CSMD1: variants seen among roughly 807,000 people sequenced by gnomAD.
CSMD1 encodes CUB and sushi domain-containing protein 1.
In CSMD1, 213 loss-of-function variants were observed where a neutral mutation model predicts 417.5. That is an observed-to-expected ratio of 0.51 (90% CI 0.46 to 0.57). The LOEUF is 0.57. CSMD1 is among the 20% of genes least tolerant of loss of function. The pLI is 0.00. For missense variants in CSMD1, 6,923 were observed against 4,529.7 expected, an observed-to-expected ratio of 1.53 and a Z score of -15.17; for synonymous variants, 2,862 against 1,736.8, an observed-to-expected ratio of 1.65 and a Z score of -16.11.
At chr8:4,027,510 C>T (rs111256757) in intron 4 of CSMD1, among the ~76,000 whole-genome samples, 1 of 152,126 alleles carries the variant, frequency 6.6e-6, no homozygotes, top group Non-Finnish European at 1.5e-5. Flanking sequence ...GGGTCTTTCA[C>T]CCTTCACTCT....
At chr8:4,390,201 G>C (rs1803746966) in intron 3 of CSMD1, among the ~76,000 whole-genome samples, 2 of 152,118 alleles carry the variant, frequency 1.3e-5, no homozygotes, top group Admixed American at 1.3e-4. Flanking sequence ...GTATAAACAT[G>C]TTTTTGACCA....
At chr8:3,540,344 T>C (rs1798385861) in intron 10 of CSMD1, among the ~76,000 whole-genome samples, 1 of 152,158 alleles carries the variant, frequency 6.6e-6, no homozygotes, top group Admixed American at 6.5e-5. Flanking sequence ...ATCACAACAG[T>C]GCCCTATACA....
At chr8:3,534,481 C>T (rs1253772618) in intron 10 of CSMD1, among the ~76,000 whole-genome samples, 6 of 147,620 alleles carry the variant, frequency 4.1e-5, no homozygotes, top group African/African-American at 1.0e-4. Flanking sequence ...CTCTCTCATG[C>T]TCAGCGATAA....
At chr8:3,606,706 C>G (rs951964501) in intron 8 of CSMD1, among the ~76,000 whole-genome samples, 1 of 116,910 alleles carries the variant, frequency 8.6e-6, no homozygotes, top group Non-Finnish European at 1.8e-5. Flanking sequence ...AATTTTACTT[C>G]GTTACAATTT....
chr8:4,304,784 T>C (rs1310667534), intron 3 of CSMD1, among the ~76,000 whole-genome samples: 1 of 152,178 alleles, frequency 6.6e-6, no homozygotes, highest in African/African-American at 2.4e-5. Flanking sequence ...AATTAGTAAC[T>C]TCATCCTAAG....
chr8:4,669,914 C>CTA (rs1312245799), intron 1 of CSMD1, among the ~76,000 whole-genome samples: 2 of 152,130 alleles, frequency 1.3e-5, no homozygotes, highest in Non-Finnish European at 2.9e-5. Context: ...CCCCAGTGTG[C>CTA]TATACTCCTT....
At chr8:4,057,167 T>C (rs947409499) in intron 3 of CSMD1, among the ~76,000 whole-genome samples, 1 of 152,206 alleles carries the variant, frequency 6.6e-6, no homozygotes, top group African/African-American at 2.4e-5. Context: ...GTAGTGTTCC[T>C]ATTTCTCCAC....
intron 3 of CSMD1, among the ~76,000 whole-genome samples, chr8:4,200,000 G>A (rs1414808706): frequency 6.6e-6 from 1 of 152,144 alleles, no homozygotes; most frequent in Non-Finnish European, 1.5e-5. Flanking sequence ...AAAAGTTCAA[G>A]GGCCCTGGAC....
chr8:3,514,517 A>G (rs1259811710), intron 10 of CSMD1, among the ~76,000 whole-genome samples: 3 of 152,238 alleles, frequency 2.0e-5, no homozygotes, highest in East Asian at 1.9e-4. Flanking sequence ...TTTAATGACA[A>G]TCACTTAAAA....
chr8:3,845,342 A>C (rs35130796), intron 5 of CSMD1, among the ~76,000 whole-genome samples: 46,154 of 152,046 alleles, frequency 0.3, 7,161 homozygotes, highest in Non-Finnish European at 0.34. Flanking sequence ...ACGATACAGC[A>C]TGTTGCTCCT....
At chr8:4,232,526 C>A (rs1801801518) in intron 3 of CSMD1, among the ~76,000 whole-genome samples, 1 of 152,124 alleles carries the variant, frequency 6.6e-6, no homozygotes, top group Non-Finnish European at 1.5e-5. Flanking sequence ...TACACACTAC[C>A]TATGAAGAAT....
chr8:3,840,025 C>A (rs1803017511), intron 5 of CSMD1, among the ~76,000 whole-genome samples: 1 of 152,018 alleles, frequency 6.6e-6, no homozygotes, highest in Non-Finnish European at 1.5e-5. Context: ...TCCTAAGAGT[C>A]CTATGTTTCT....
At position 3,732,866 on chromosome 8, in the gene CSMD1, G is replaced by C. The variant is rs541158897; in HGVS notation, c.931+21064C>G. 3.3e-5 allele frequency among the ~76,000 whole-genome samples: 5 copies of C among 152,162 alleles called. No homozygotes were observed. The South Asian group carries it at 6.2e-4, about 19-fold the overall frequency. On this transcript the variant is annotated intron_variant, in intron 6 of 69. Coordinates refer to ENST00000635120, the MANE Select transcript of CSMD1 (RefSeq NM_033225.6). Reference sequence around the variant, plus strand: ...GACTATTTTGAAATCTGTTTTAAAAGAGATCTATCTATCTATCCATCCATC... The same window carrying C: ...GACTATTTTGAAATCTGTTTTAAAACAGATCTATCTATCTATCCATCCATC...
chr8:3,482,391 T>C (rs1482815947), intron 11 of CSMD1, among the ~76,000 whole-genome samples: 1 of 152,104 alleles, frequency 6.6e-6, no homozygotes, highest in Non-Finnish European at 1.5e-5. Flanking sequence ...TCTGACAAAG[T>C]AGACTTAAGG....
intron 5 of CSMD1, among the ~76,000 whole-genome samples, chr8:3,852,714 G>T (rs913179385): frequency 1.3e-5 from 2 of 151,950 alleles, no homozygotes; most frequent in East Asian, 1.9e-4. Context: ...TGTGAGGGAC[G>T]GGAGAGATGG....
intron 21 of CSMD1, among the ~76,000 whole-genome samples, chr8:3,353,956 C>G (rs1425200853): frequency 1.3e-5 from 2 of 152,096 alleles, no homozygotes; most frequent in Non-Finnish European, 2.9e-5. Flanking sequence ...AATTTCCTGT[C>G]TCAGTCTGCT....
chr8:4,388,319 CAG>C (rs769345171), intron 3 of CSMD1, among the ~76,000 whole-genome samples: 16,454 of 75,764 alleles, frequency 0.22, 1,116 homozygotes, highest in Non-Finnish European at 0.24. Flanking sequence ...CACACACACA[CAG>C]ACACACACAC....
At chr8:3,783,453 C>A (rs897395454) in intron 5 of CSMD1, among the ~76,000 whole-genome samples, 2 of 152,160 alleles carry the variant, frequency 1.3e-5, no homozygotes, top group African/African-American at 2.4e-5. Context: ...AGGTCGGGAG[C>A]ACAGAAGCAT....
At chr8:4,898,777 G>C (rs187338912) in intron 1 of CSMD1, among the ~76,000 whole-genome samples, 1,696 of 152,242 alleles carry the variant, frequency 0.011, 19 homozygotes, top group African/African-American at 0.038. Context: ...GCGGGGGGAA[G>C]TGAAATGAAA....
Sources: allele counts gnomAD v4.1 joint callset (sites outside exome capture counted in the v4.1 genomes callset), GRCh38; gene constraint gnomAD v4.1.1; transcripts MANE v1.5; gene names NCBI Gene and HGNC (gene_info 2026-07-23, HGNC 2026-07-21).